PPP2R3A: variants seen among roughly 807,000 people sequenced by gnomAD.
PPP2R3A encodes the protein protein phosphatase 2 regulatory subunit B''alpha.
PPP2R3A carries 80 observed loss-of-function variants against 106.9 expected under a neutral mutation model. The observed-to-expected ratio is 0.75, with a 90% confidence interval of 0.62 to 0.90. The LOEUF (loss-of-function observed/expected upper bound fraction) is 0.90, where lower values mean the gene tolerates loss of function less well. Among genes scored for constraint, PPP2R3A ranks in the 40% least tolerant of loss-of-function variants. The pLI, the probability that PPP2R3A is intolerant of heterozygous loss-of-function variation, is 0.00. For synonymous variants in PPP2R3A, 483 were observed against 468.3 expected, an observed-to-expected ratio of 1.03 and a Z score of -0.41; for missense variants, 1,386 against 1,350.4, an observed-to-expected ratio of 1.03 and a Z score of -0.41.
chr3:136,139,902 A>C (rs1308496565), intron 13 of PPP2R3A, among the ~76,000 whole-genome samples: 2 of 136,470 alleles, frequency 1.5e-5, no homozygotes, highest in African/African-American at 5.6e-5. Flanking sequence ...GCTACTCAGG[A>C]GGCTGAGGCA....
At position 136,056,398 on chromosome 3, in the gene PPP2R3A, T is replaced by A. The variant is rs564965573; in HGVS notation, c.2469+7037T>A. Among the ~76,000 whole-genome samples, 3 of 152,250 alleles carry A rather than the reference T, an allele frequency of 2.0e-5. No individual in the cohort carries two copies. In the South Asian group the frequency reaches 6.2e-4, roughly 32 times the overall value. The stretch of plus-strand genomic sequence containing the variant: ...GGACCATATAGTAAGTGTAAGGTGT[T>A]AATAATTGAGGAATCTGGGCGCAGG... On this transcript the variant is annotated intron_variant, in intron 5 of 13. Transcript: ENST00000264977.
intron 4 of PPP2R3A, among the ~76,000 whole-genome samples, chr3:136,045,786 A>C (rs951775347): frequency 1.3e-5 from 2 of 152,128 alleles, no homozygotes; most frequent in African/African-American, 4.8e-5. Flanking sequence ...GGTAGCCCTT[A>C]CTATTAAATG....
chr3:135,967,161 A>G (rs573425767), intron 1 of PPP2R3A, among the ~76,000 whole-genome samples: 13 of 152,286 alleles, frequency 8.5e-5, no homozygotes, highest in Non-Finnish European at 1.3e-4. Flanking sequence ...GAAGAACTTA[A>G]TGGCATGAGA....
chr3:136,089,409 T>G (rs1937036588), intron 9 of PPP2R3A, among the ~76,000 whole-genome samples: 1 of 152,124 alleles, frequency 6.6e-6, no homozygotes, highest in Non-Finnish European at 1.5e-5. Context: ...CAGCTTTATT[T>G]CTGGGCTCTC....
At chr3:136,018,614 C>G (rs960720149) in intron 2 of PPP2R3A, among the ~76,000 whole-genome samples, 2 of 152,192 alleles carry the variant, frequency 1.3e-5, no homozygotes, top group African/African-American at 4.8e-5. Context: ...CAGTTTTATT[C>G]TCTGTTTCCT....
chr3:136,128,194 C>T (rs1170276129), intron 13 of PPP2R3A, among the ~76,000 whole-genome samples: 1 of 152,034 alleles, frequency 6.6e-6, no homozygotes, highest in Non-Finnish European at 1.5e-5. Context: ...GGGCTAAATG[C>T]CCCAATTAAA....
At chr3:136,106,507 C>G in intron 13 of PPP2R3A, 185 bp downstream of exon 13, 1 of 590,568 alleles carries the variant, frequency 1.7e-6, no homozygotes, top group East Asian at 2.9e-5. Flanking sequence ...CTGACAGAGT[C>G]TTCTCATGTC....
intron 5 of PPP2R3A, among the ~76,000 whole-genome samples, chr3:136,050,089 A>G (rs1935630464): frequency 6.6e-6 from 1 of 152,220 alleles, no homozygotes. Context: ...TCCCATTACC[A>G]GATTTCAGCT....
intron 1 of PPP2R3A, among the ~76,000 whole-genome samples, chr3:135,973,454 G>A (rs948571960): frequency 1.3e-5 from 2 of 152,108 alleles, no homozygotes; most frequent in Non-Finnish European, 2.9e-5. Context: ...GTAACTAAAG[G>A]ACTGTGATCC....
At chr3:136,024,677 C>T (rs115969414) in intron 2 of PPP2R3A, among the ~76,000 whole-genome samples, 1 of 152,162 alleles carries the variant, frequency 6.6e-6, no homozygotes, top group Non-Finnish European at 1.5e-5. Context: ...TTCATCCCTG[C>T]TGGCACCAGT....
chr3:136,046,531 A>G (rs910646942), intron 4 of PPP2R3A, among the ~76,000 whole-genome samples: 1 of 152,184 alleles, frequency 6.6e-6, no homozygotes. Context: ...AATAAAGCCA[A>G]TTGGCTATAC....
intron 6 of PPP2R3A, among the ~76,000 whole-genome samples, chr3:136,070,904 T>G (rs370815343): frequency 1.3e-5 from 2 of 152,268 alleles, no homozygotes; most frequent in Non-Finnish European, 2.9e-5. Context: ...AAAAAAAGAT[T>G]GGTCTCTAGT....
intron 7 of PPP2R3A, among the ~76,000 whole-genome samples, chr3:136,079,496 C>T (rs1181540913): frequency 6.6e-6 from 1 of 151,388 alleles, no homozygotes; most frequent in Non-Finnish European, 1.5e-5. Context: ...ACAATGTCCG[C>T]CTTCTGGATT....
At chr3:136,091,227 C>G (rs1937087752) in intron 10 of PPP2R3A, among the ~76,000 whole-genome samples, 1 of 152,168 alleles carries the variant, frequency 6.6e-6, no homozygotes, top group Admixed American at 6.5e-5. Flanking sequence ...GTAGTTTGTG[C>G]TCAGTACCAA....
At chr3:136,019,582 T>C (rs115619706) in intron 2 of PPP2R3A, among the ~76,000 whole-genome samples, 1,895 of 152,288 alleles carry the variant, frequency 0.012, 41 homozygotes, top group African/African-American at 0.044. Context: ...TATTCTTTGG[T>C]GCTATATTCC....
At chr3:136,126,193 G>T (rs1242240453) in intron 13 of PPP2R3A, among the ~76,000 whole-genome samples, 1 of 152,228 alleles carries the variant, frequency 6.6e-6, no homozygotes, top group Non-Finnish European at 1.5e-5. Context: ...GAAGCACAAG[G>T]GGTTGGGGGA....
intron 6 of PPP2R3A, among the ~76,000 whole-genome samples, chr3:136,070,880 T>C (rs1414953242): frequency 6.6e-6 from 1 of 152,248 alleles, no homozygotes; most frequent in African/African-American, 2.4e-5. Context: ...TTCAACAGTC[T>C]GTCCCTGTCC....
At chr3:136,035,810 C>T (rs114916088) in intron 3 of PPP2R3A, among the ~76,000 whole-genome samples, 2,075 of 152,332 alleles carry the variant, frequency 0.014, 32 homozygotes, top group Non-Finnish European at 0.022. Context: ...ATTATTCTCC[C>T]AAGTATGTTT....
intron 5 of PPP2R3A, among the ~76,000 whole-genome samples, chr3:136,065,543 G>A (rs777814816): frequency 6.6e-6 from 1 of 152,074 alleles, no homozygotes; most frequent in Non-Finnish European, 1.5e-5. Flanking sequence ...TCCCAGTAAT[G>A]ATCAGAAATT....
Sources: allele counts gnomAD v4.1 joint callset (sites outside exome capture counted in the v4.1 genomes callset), GRCh38; gene constraint gnomAD v4.1.1; transcripts MANE v1.5; gene names NCBI Gene and HGNC (gene_info 2026-07-23, HGNC 2026-07-21).